DCLK2: variants seen among roughly 807,000 people sequenced by gnomAD.
The protein encoded by DCLK2 is serine/threonine-protein kinase DCLK2.
Under a neutral mutation model 78.4 loss-of-function variants are expected in DCLK2, and 31 were observed. The ratio of observed to expected loss-of-function variants is 0.40; its 90% CI spans 0.30 to 0.53. DCLK2 has a LOEUF of 0.53. Among genes scored for constraint, DCLK2 ranks in the 20% least tolerant of loss-of-function variants. The pLI is 0.61. For missense variants in DCLK2, 872 were observed against 973.7 expected, an observed-to-expected ratio of 0.90 and a Z score of 1.39; for synonymous variants, 407 against 374.9, an observed-to-expected ratio of 1.09 and a Z score of -0.99.
intron 2 of DCLK2, among the ~76,000 whole-genome samples, chr4:150,155,334 A>C (rs1211581025): frequency 2.0e-5 from 3 of 152,240 alleles, no homozygotes; most frequent in Non-Finnish European, 4.4e-5. Flanking sequence ...AATATGCTGC[A>C]TAGTTTTCTT....
At chr4:150,111,817 G>T (rs1731715760) in intron 2 of DCLK2, among the ~76,000 whole-genome samples, 1 of 152,032 alleles carries the variant, frequency 6.6e-6, no homozygotes, top group Non-Finnish European at 1.5e-5. Flanking sequence ...CTATTCTGTT[G>T]TGTTGATCTA....
intron 2 of DCLK2, among the ~76,000 whole-genome samples, chr4:150,172,072 T>A (rs1736572209): frequency 1.3e-5 from 2 of 152,206 alleles, no homozygotes. Flanking sequence ...TTGTTGCTCC[T>A]CCAGTGCCTA....
intron 4 of DCLK2, among the ~76,000 whole-genome samples, chr4:150,199,681 C>T (rs2126430679): frequency 6.6e-6 from 1 of 152,266 alleles, no homozygotes; most frequent in South Asian, 2.1e-4. Context: ...CTGAAAATAT[C>T]TCTGTTATTA....
intron 2 of DCLK2, among the ~76,000 whole-genome samples, chr4:150,140,014 A>G (rs958587079): frequency 1.3e-5 from 2 of 152,226 alleles, no homozygotes; most frequent in African/African-American, 4.8e-5. Context: ...CATACAGTCT[A>G]TAAAGGTGAG....
At chr4:150,207,023 G>A (rs1015996165) in intron 5 of DCLK2, among the ~76,000 whole-genome samples, 56 of 152,098 alleles carry the variant, frequency 3.7e-4, no homozygotes, top group African/African-American at 1.3e-3. Context: ...AGTACTGTGC[G>A]TTTCCCTTCC....
At chr4:150,140,812 G>A (rs184237502) in intron 2 of DCLK2, among the ~76,000 whole-genome samples, 20 of 152,234 alleles carry the variant, frequency 1.3e-4, no homozygotes, top group Admixed American at 1.0e-3. Context: ...GCAATGATTG[G>A]TACTAGTAAA....
intron 2 of DCLK2, among the ~76,000 whole-genome samples, chr4:150,154,915 T>C (rs1735157563): frequency 6.6e-6 from 1 of 152,184 alleles, no homozygotes; most frequent in Admixed American, 6.5e-5. Context: ...ATACACAACA[T>C]GAATGTACTT....
chr4:150,255,750 A>G (rs1170525048), intron 15 of DCLK2, among the ~76,000 whole-genome samples: 1 of 152,202 alleles, frequency 6.6e-6, no homozygotes, highest in Non-Finnish European at 1.5e-5. Context: ...GAACCCAGGC[A>G]CAGCCCAAAG....
At chr4:150,093,774 CA>C (rs1726740250) in intron 1 of DCLK2, among the ~76,000 whole-genome samples, 1 of 152,146 alleles carries the variant, frequency 6.6e-6, no homozygotes, top group Non-Finnish European at 1.5e-5. Flanking sequence ...GAAAAAAGAA[CA>C]AAACTAAAGG....
chr4:150,221,692 G>A lies in DCLK2; in HGVS notation c.1148G>A (p.Arg383Lys). ...CTTTTTGCAGGTGTGAATGGAAACA[G>A]ATGCTCTGAATCATCAACTCTTCTT... Reference protein sequence around the residue: ...CISPEGVNGNRCSESSTLLEK... With the variant: ...CISPEGVNGNKCSESSTLLEK... Residue 383 changes from arginine (R) to lysine (K), a missense_variant, in exon 7 of 16, where the codon AGA (arginine) becomes AAA (lysine). Arg to Lys is a conservative substitution (Grantham distance 26). Around this residue, in one of 3 missense-constraint regions of DCLK2, gnomAD observed 567 missense variants for 593.4 expected, o/e 0.96. Transcript: ENST00000296550. 6.3e-7 allele frequency: 1 copy of A among 1,597,304 alleles called. No individual in the cohort carries two copies. The highest frequency in any genetic ancestry group is 8.5e-7 in the Non-Finnish European group (1 of 1,174,064).
chr4:150,230,580 C>G (rs933013813), intron 8 of DCLK2, among the ~76,000 whole-genome samples: 4 of 152,164 alleles, frequency 2.6e-5, no homozygotes, highest in Non-Finnish European at 5.9e-5. Context: ...AATTGATGTG[C>G]TTGCTTATAC....
chr4:150,197,370 T>G (rs1453249953), intron 3 of DCLK2, among the ~76,000 whole-genome samples: 2 of 152,176 alleles, frequency 1.3e-5, no homozygotes, highest in Non-Finnish European at 2.9e-5. Flanking sequence ...ATGTATAGAT[T>G]AGCTGTGGAT....
At position 150,248,393 on chromosome 4, in the gene DCLK2, C is replaced by T. The variant is rs1389128158; in HGVS notation, c.1956+8C>T. The stretch of plus-strand genomic sequence containing the variant: ...AGTCACCCCTGGGTGTCAGTAAGTA[C>T]CCACATTCCCAGGGAATGGGCCTCA... On this transcript the variant is annotated splice_region_variant and intron_variant, in intron 14 of 15. Coordinates refer to ENST00000296550, the MANE Select transcript of DCLK2 (RefSeq NM_001040260.4). The T allele has an allele frequency of 1.2e-6, 2 of 1,612,002 alleles. No homozygotes were observed. Among genetic ancestry groups the T allele is most frequent in the East Asian group, 2.2e-5 (1 of 44,872 alleles).
Position 150,102,737 on chromosome 4 carries a change from C to A in DCLK2, c.681C>A (p.Val227=), listed in dbSNP as rs191201993. ...NKKTAHSFEQ[V]LTDITEAIKL... ...AGACTGCTCATTCCTTTGAACAAGT[C>A]TTAACAGATATCACCGAAGCCATTA... The change falls in exon 2 of 16, where the codon GTC becomes GTA. Residue 227 remains valine (V), a synonymous_variant. Transcript: ENST00000296550. 3 of 1,614,128 alleles carry A rather than the reference C, an allele frequency of 1.9e-6. No homozygotes were observed. The East Asian group carries it at 6.7e-5, about 36-fold the overall frequency.
Position 150,212,187 on chromosome 4 carries a change from C to A in DCLK2, c.1056+8298C>A, listed in dbSNP as rs6826061. Among the ~76,000 whole-genome samples the A allele has an allele frequency of 7.1e-3, 1,087 of 152,300 alleles. 15 individuals carry two copies. Among genetic ancestry groups the A allele is most frequent in the African/African-American group, 0.025 (1,029 of 41,564 alleles). On this transcript the variant is annotated intron_variant, in intron 5 of 15. Coordinates refer to ENST00000296550, the MANE Select transcript of DCLK2 (RefSeq NM_001040260.4). Reference sequence around the variant, plus strand: ...AAGGAAGAAAAAAGTACATTTGGAACATTATCCAACATCTTGAGATTATGA... The same window carrying A: ...AAGGAAGAAAAAAGTACATTTGGAAAATTATCCAACATCTTGAGATTATGA...
chr4:150,108,852 T>C (rs1034503501), intron 2 of DCLK2, among the ~76,000 whole-genome samples: 7 of 152,194 alleles, frequency 4.6e-5, no homozygotes, highest in Non-Finnish European at 8.8e-5. Context: ...ATTCTTGTCA[T>C]GGGCAGAGGC....
chr4:150,103,200 A>AT (rs1731007701), intron 2 of DCLK2, among the ~76,000 whole-genome samples: 1 of 152,214 alleles, frequency 6.6e-6, no homozygotes, highest in African/African-American at 2.4e-5. Context: ...AGGAGTCAAA[A>AT]TTAAAAGTAT....
At chr4:150,117,780 C>T (rs1732208105) in intron 2 of DCLK2, among the ~76,000 whole-genome samples, 2 of 152,198 alleles carry the variant, frequency 1.3e-5, no homozygotes, top group Admixed American at 1.3e-4. Context: ...CTGCAGCCCA[C>T]TGCTTTTTTC....
At chr4:150,152,528 C>T (rs1055905286) in intron 2 of DCLK2, among the ~76,000 whole-genome samples, 13 of 152,120 alleles carry the variant, frequency 8.5e-5, no homozygotes, top group African/African-American at 2.2e-4. Context: ...GTGATCTGCC[C>T]GCCTCAGCCT....
Sources: gnomAD v4.1 joint callset for allele counts (sites outside exome capture counted in the v4.1 genomes callset) on GRCh38, gnomAD v4.1.1 for gene constraint, gnomAD v4.1.1 regional missense constraint, MANE v1.5 for transcripts, NCBI Gene and HGNC (gene_info 2026-07-23, HGNC 2026-07-21) for gene names.